The following MRPS27 variants were observed in gnomAD, a reference collection of about 807,000 sequenced individuals.
The protein encoded by MRPS27 is mitochondrial ribosomal protein S27, also known as small ribosomal subunit protein mS27.
A neutral mutation model predicts 48.9 loss-of-function variants in MRPS27; 43 were observed. That is an observed-to-expected ratio of 0.88 (90% confidence interval 0.69 to 1.13). The LOEUF is 1.13. MRPS27 is among the 50% of genes most tolerant of loss of function. The pLI is 0.00. For missense variants in MRPS27, 467 were observed against 476.3 expected (o/e 0.98, Z 0.18); for synonymous variants, 188 against 171.9 (o/e 1.09, Z -0.73).
intron 2 of MRPS27, among the ~76,000 whole-genome samples, 187 bp downstream of exon 2, chr5:72,313,894 T>A (rs1448718917): frequency 6.6e-6 from 1 of 152,180 alleles, no homozygotes; most frequent in African/African-American, 2.4e-5. Context: ...AAATGAAATA[T>A]TAGAAATGAA....
At position 72,228,291 on chromosome 5, in the gene MRPS27, G is replaced by A; in HGVS notation, c.669C>T (p.Ser223=). 1 of 1,613,480 alleles carries A rather than the reference G, an allele frequency of 6.2e-7. No homozygotes were observed. The change falls in exon 8 of 11, where the codon TCC becomes TCT. Residue 223 remains serine, a synonymous_variant. Coordinates refer to ENST00000261413, the MANE Select transcript of MRPS27 (RefSeq NM_015084.3). Reference sequence around the variant, plus strand: ...CAAGAAGTGCATAGCCATACAACTGGGAACTGAAACCCACTGAGTTCTTTT... The same window carrying A: ...CAAGAAGTGCATAGCCATACAACTGAGAACTGAAACCCACTGAGTTCTTTT... ...LKQKNSVGFS[S]QLYGYALLGK...
At chr5:72,229,796 G>A (rs1748004551) in intron 7 of MRPS27, among the ~76,000 whole-genome samples, 2 of 152,202 alleles carry the variant, frequency 1.3e-5, no homozygotes, top group South Asian at 4.1e-4. Flanking sequence ...ATCATTGTCT[G>A]GGGCTGCTGG....
chr5:72,307,761 C>A (rs1750313449), intron 2 of MRPS27: 1 of 152,108 alleles, frequency 6.6e-6, no homozygotes, highest in Non-Finnish European at 1.5e-5. Context: ...GCTTCTGGAG[C>A]GGTAGGAATG....
intron 2 of MRPS27, among the ~76,000 whole-genome samples, chr5:72,304,008 TG>T (rs537086075): frequency 2.6e-5 from 4 of 151,718 alleles, no homozygotes; most frequent in South Asian, 2.1e-4. Context: ...TTGGTTAAAT[TG>T]GGGGGGAACT....
intron 4 of MRPS27, among the ~76,000 whole-genome samples, chr5:72,261,961 C>A (rs944175315): frequency 2.6e-5 from 4 of 152,174 alleles, no homozygotes; most frequent in African/African-American, 9.7e-5. Context: ...CTGCCAAGAG[C>A]AGGTATCAAC....
At chr5:72,314,381 T>C in intron 1 of MRPS27, 1 of 369,862 alleles carries the variant, frequency 2.7e-6, no homozygotes, top group Non-Finnish European at 4.9e-6. Flanking sequence ...ATTTTCACAA[T>C]AATTTTTTAA....
intron 4 of MRPS27, among the ~76,000 whole-genome samples, chr5:72,280,972 A>G (rs1265039022): frequency 6.6e-6 from 1 of 152,216 alleles, no homozygotes; most frequent in Non-Finnish European, 1.5e-5. Context: ...GCTTCCCCCA[A>G]AATGTGATAT....
chr5:72,319,965 T>G, intron 1 of MRPS27, 184 bp downstream of exon 1: 1 of 641,154 alleles, frequency 1.6e-6, no homozygotes, highest in Non-Finnish European at 2.8e-6. Flanking sequence ...GACAGGAACA[T>G]ACTGTTATTT....
At chr5:72,273,849 C>T (rs571462532) in intron 4 of MRPS27, among the ~76,000 whole-genome samples, 7 of 152,190 alleles carry the variant, frequency 4.6e-5, no homozygotes, top group Non-Finnish European at 7.4e-5. Flanking sequence ...AGAAATTTCT[C>T]GCTAATAAAT....
intron 4 of MRPS27, among the ~76,000 whole-genome samples, chr5:72,273,279 T>G (rs936027198): frequency 6.6e-6 from 1 of 152,066 alleles, no homozygotes; most frequent in Non-Finnish European, 1.5e-5. Flanking sequence ...TTCGAGAAAG[T>G]GAGAAAAAAT....
intron 4 of MRPS27, among the ~76,000 whole-genome samples, chr5:72,241,044 T>C (rs969158324): frequency 2.0e-5 from 3 of 152,240 alleles, no homozygotes; most frequent in Non-Finnish European, 4.4e-5. Flanking sequence ...TTTTATTGTA[T>C]ATACATTTTG....
chr5:72,251,909 A>T (rs572323215), intron 4 of MRPS27, among the ~76,000 whole-genome samples: 1 of 152,330 alleles, frequency 6.6e-6, no homozygotes, highest in South Asian at 2.1e-4. Flanking sequence ...CACCACTGGC[A>T]ACCTGAAAGG....
chr5:72,242,866 C>T (rs373702833), intron 4 of MRPS27, among the ~76,000 whole-genome samples: 15 of 152,210 alleles, frequency 9.9e-5, no homozygotes, highest in East Asian at 5.8e-4. Flanking sequence ...TAAAAATGCT[C>T]CAGGCTGGGC....
chr5:72,286,489 T>C (rs995080245), intron 4 of MRPS27, among the ~76,000 whole-genome samples: 6 of 152,130 alleles, frequency 3.9e-5, no homozygotes, highest in African/African-American at 1.4e-4. Context: ...AATTTAAAAA[T>C]AGCCTTTTCA....
intron 4 of MRPS27, among the ~76,000 whole-genome samples, chr5:72,292,256 A>T (rs1580105141): frequency 1.0e-5 from 1 of 96,090 alleles, no homozygotes; most frequent in Admixed American, 1.3e-4. Context: ...GTATTGCCTT[A>T]ATCATTTTTA....
At chr5:72,256,525 T>C (rs1381319435) in intron 4 of MRPS27, among the ~76,000 whole-genome samples, 2 of 152,244 alleles carry the variant, frequency 1.3e-5, no homozygotes, top group Non-Finnish European at 2.9e-5. Flanking sequence ...AAGAACACTT[T>C]GACAATTTCA....
intron 8 of MRPS27, 153 bp from the exon 9 acceptor site, chr5:72,226,352 G>A: frequency 3.8e-6 from 3 of 794,356 alleles, no homozygotes; most frequent in Non-Finnish European, 5.9e-6. Context: ...CATCTCATTC[G>A]GTGACACTTC....
chr5:72,224,354 G>T (rs1042285962), intron 9 of MRPS27, among the ~76,000 whole-genome samples: 16 of 152,186 alleles, frequency 1.1e-4, no homozygotes, highest in African/African-American at 3.9e-4. Context: ...GTGAGACCCT[G>T]TCTCAAAGAC....
Position 72,220,761 on chromosome 5 carries a change from A to G in MRPS27, c.*148T>C. 1 of 1,194,630 alleles carries G rather than the reference A, an allele frequency of 8.4e-7. No individual in the cohort carries two copies. The highest frequency in any genetic ancestry group is 1.2e-6 in the Non-Finnish European group (1 of 849,670). 74.0% of individuals were successfully genotyped at this position (1,194,630 alleles called of 1,614,324 possible). On this transcript the variant is annotated 3_prime_UTR_variant, in exon 11 of 11. Transcript: ENST00000261413. ...CTTCTTGGCATCTCGATGGGCAGTC[A>G]TGGTGCCTTGCCATGTAGGGCACAT...
Sources: gnomAD v4.1 joint callset for allele counts (sites outside exome capture counted in the v4.1 genomes callset) on GRCh38, gnomAD v4.1.1 for gene constraint, MANE v1.5 for transcripts, NCBI Gene and HGNC (gene_info 2026-07-23, HGNC 2026-07-21) for gene names.